Variants in PJVK observed in about 807,000 individuals in gnomAD.
PJVK encodes pejvakin, also known as autosomal recessive deafness type 59 protein.
PJVK carries 33 observed loss-of-function variants against 37.6 expected under a neutral mutation model. The observed-to-expected ratio is 0.88, with a 90% CI of 0.67 to 1.17. The LOEUF (loss-of-function observed/expected upper bound fraction) is 1.17. PJVK is among the 50% of genes most tolerant of loss of function. The pLI, the probability that PJVK is intolerant of heterozygous loss-of-function variation, is 0.00. For missense variants in PJVK, 410 were observed against 413.8 expected (o/e 0.99, Z 0.08); for synonymous variants, 141 against 143.5 (o/e 0.98, Z 0.13).
chr2:178,455,258 C>G, intron 3 of PJVK: 1 of 1,490,590 alleles, frequency 6.7e-7, no homozygotes, highest in Non-Finnish European at 9.4e-7. Flanking sequence ...GAATTCCAAG[C>G]TGTCAGACCT....
In PJVK at chr2:178,452,678, A is replaced by C. The variant is rs78462790; in HGVS notation, c.-22-710A>C. 3,275 of 968,356 alleles carry C rather than the reference A, an allele frequency of 3.4e-3. 20 individuals carry two copies. In the East Asian group the frequency reaches 0.043, roughly 13 times the overall value. The allele number at this position is 968,356 out of a possible 1,614,324, so 60.0% of individuals were successfully genotyped here. A position where few individuals can be genotyped will look rare whatever the true frequency, so the allele number is the denominator to read the frequency against. On this transcript the variant is annotated intron_variant, in intron 1 of 6. Transcript: ENST00000644580. ...TAATAATGAAACAAAAAGATGCAGC[A>C]GGACTCCATTTCAAAGAGAGAGAGT...
chr2:178,461,411 A>C lies in PJVK; in HGVS notation c.*137A>C, dbSNP rs1217773571. On this transcript the variant is annotated 3_prime_UTR_variant, in exon 7 of 7. Transcript: ENST00000644580. ...AGAAATTAACCTGTCTGGGTATCAT[A>C]TTCCCTATCTATAAAGTAGCAATTA... 3 of 895,304 alleles carry C rather than the reference A, an allele frequency of 3.4e-6. No homozygotes were observed. In the African/African-American group the frequency reaches 5.0e-5, roughly 15 times the overall value. 55.5% of individuals were successfully genotyped at this position (895,304 alleles called of 1,614,324 possible).
intron 5 of PJVK, among the ~76,000 whole-genome samples, 190 bp downstream of exon 5, chr2:178,458,817 C>T (rs1684292616): frequency 6.6e-6 from 1 of 152,178 alleles, no homozygotes; most frequent in Non-Finnish European, 1.5e-5. Context: ...CTTCCCCATT[C>T]CACTTTTCTG....
chr2:178,455,236 G>T, intron 3 of PJVK: 11 of 1,552,404 alleles, frequency 7.1e-6, no homozygotes, highest in Non-Finnish European at 9.8e-6. Flanking sequence ...ATACCAAGAA[G>T]ATTAACCCTG....
At chr2:178,455,643 T>TC (rs1553601201) in intron 3 of PJVK, among the ~76,000 whole-genome samples, 1 of 126,734 alleles carries the variant, frequency 7.9e-6, no homozygotes, top group Non-Finnish European at 1.7e-5. Flanking sequence ...TTTGCCCAGC[T>TC]AAAAAAAAAA....
intron 2 of PJVK, chr2:178,453,932 T>C (rs1025545684): frequency 1.2e-5 from 4 of 341,934 alleles, no homozygotes; most frequent in African/African-American, 4.3e-5. Context: ...CTATGTTACA[T>C]GGTCAAATGA....
Position 178,454,456 on chromosome 2 carries a change from G to A in PJVK, c.336G>A (p.Val112=), listed in dbSNP as rs200025341. The A allele has an allele frequency of 3.6e-5, 58 of 1,613,936 alleles. No homozygotes were observed. The highest frequency in any genetic ancestry group is 4.7e-5 in the Non-Finnish European group (56 of 1,179,968). ...INVAGSDSIA[V]KASFGIVTKH... ...TTGCTGGATCAGATTCCATTGCAGT[G>A]AAAGCTTCATTTGGTATAGTAACCA... is the stretch of plus-strand genomic sequence containing the variant. The change falls in exon 3 of 7, where the codon GTG becomes GTA. Residue 112 remains valine, a synonymous_variant. Transcript: ENST00000644580.
At chr2:178,455,080 G>T (rs976050191) in intron 3 of PJVK, 2 of 1,535,684 alleles carry the variant, frequency 1.3e-6, no homozygotes, top group African/African-American at 1.4e-5. Flanking sequence ...GGCAGCCAGC[G>T]ATCATCGATG....
chr2:178,452,429 C>T, intron 1 of PJVK: 2 of 985,244 alleles, frequency 2.0e-6, no homozygotes, highest in South Asian at 4.7e-5. Flanking sequence ...ATTCTCTCTT[C>T]CTCTCCGTCT....
intron 1 of PJVK, chr2:178,453,098 C>T (rs1697808997): frequency 2.8e-6 from 1 of 353,614 alleles, no homozygotes; most frequent in Admixed American, 4.2e-5. Context: ...CTACTGTGAT[C>T]CTTATCATAG....
Position 178,454,394 on chromosome 2 carries a change from C to A in PJVK, c.274C>A (p.Arg92=), listed in dbSNP as rs764497659. The A allele has an allele frequency of 1.9e-6, 3 of 1,613,760 alleles. No individual in the cohort carries two copies. Among genetic ancestry groups the A allele is most frequent in the Non-Finnish European group, 2.5e-6 (3 of 1,179,890 alleles). ...ATCAGATGTTTCACTCTATGGAAGG[C>A]GAGGTAACCATATTGTAAATGACGT... ...DESDVSLYGR[R]GNHIVNDVGI... The change falls in exon 3 of 7, where the codon CGA becomes AGA. Residue 92 remains arginine (R), a synonymous_variant. Transcript: ENST00000644580.
chr2:178,458,030 C>T (rs1034691069), intron 4 of PJVK, among the ~76,000 whole-genome samples: 11 of 152,122 alleles, frequency 7.2e-5, no homozygotes, highest in Non-Finnish European at 1.3e-4. Context: ...AAGTTATTTT[C>T]GCATATTCAG....
At position 178,461,292 on chromosome 2, in the gene PJVK, C is replaced by A; in HGVS notation, c.*18C>A. On this transcript the variant is annotated 3_prime_UTR_variant, in exon 7 of 7. Transcript: ENST00000644580. ...TGAAATAAAATGAAAAATGAATACA[C>A]CGTGTTGGTGTTTTAGGTGCAGTTG... is the stretch of plus-strand genomic sequence containing the variant. The A allele has an allele frequency of 6.2e-7, 1 of 1,613,136 alleles. No individual in the cohort carries two copies. Among genetic ancestry groups the A allele is most frequent in the East Asian group, 2.2e-5 (1 of 44,862 alleles).
intron 5 of PJVK, 121 bp downstream of exon 5, chr2:178,458,748 C>G: frequency 2.2e-6 from 2 of 900,890 alleles, no homozygotes; most frequent in East Asian, 2.4e-5. Context: ...AGAAGATGCT[C>G]TCAGCACTGT....
intron 5 of PJVK, 38 bp from the exon 6 acceptor site, chr2:178,460,310 A>G: frequency 1.3e-6 from 2 of 1,488,878 alleles, no homozygotes; most frequent in Non-Finnish European, 1.9e-6. Context: ...AATATGAATT[A>G]TTCAAGTTAT....
chr2:178,456,344 A>G (rs1684084383), intron 4 of PJVK, 193 bp downstream of exon 4: 5 of 674,220 alleles, frequency 7.4e-6, no homozygotes, highest in Admixed American at 5.5e-5. Context: ...GATTCTAAAC[A>G]TGTGTAATAT....
chr2:178,458,659 A>G, intron 5 of PJVK, 32 bp downstream of exon 5: 2 of 1,499,454 alleles, frequency 1.3e-6, no homozygotes, highest in South Asian at 2.3e-5. Context: ...AATACAAATG[A>G]TTATATTTTT....
chr2:178,461,484 G>A lies in PJVK; in HGVS notation c.*210G>A. On this transcript the variant is annotated 3_prime_UTR_variant, in exon 7 of 7. Coordinates refer to ENST00000644580, the MANE Select transcript of PJVK (RefSeq NM_001042702.5). ...AGTTGTCATGAAAATTAATAACATT[G>A]TTTATATCAAAAAAGATTTACATAT... The A allele has an allele frequency of 2.0e-6, 1 of 488,370 alleles. No homozygotes were observed. Among genetic ancestry groups the A allele is most frequent in the Non-Finnish European group, 3.6e-6 (1 of 277,272 alleles). The allele number at this position is 488,370 out of a possible 1,614,324, so 30.3% of individuals were successfully genotyped here.
Position 178,453,457 on chromosome 2 carries a change from A to G in PJVK, c.48A>G (p.Gly16=). The change falls in exon 2 of 7, where the codon GGA becomes GGG. Residue 16 remains glycine, a synonymous_variant. Coordinates refer to ENST00000644580, the MANE Select transcript of PJVK (RefSeq NM_001042702.5). The stretch of plus-strand genomic sequence containing the variant: ...GCTTTGTCAAGCAAGTTGGAGATGG[A>G]GGGAGATTAGTTCCTGTTCCAAGCC... ...TKSFVKQVGD[G]GRLVPVPSLS... The G allele has an allele frequency of 6.2e-7, 1 of 1,614,168 alleles. No homozygotes were observed. The highest frequency in any genetic ancestry group is 2.2e-5 in the East Asian group (1 of 44,872).
Sources: gnomAD v4.1 joint callset for allele counts (sites outside exome capture counted in the v4.1 genomes callset) on GRCh38, gnomAD v4.1.1 for gene constraint, MANE v1.5 for transcripts, NCBI Gene and HGNC (gene_info 2026-07-23, HGNC 2026-07-21) for gene names.